Variants in RRM2 observed in about 807,000 individuals in gnomAD.
RRM2 encodes ribonucleotide reductase regulatory subunit M2, also known as ribonucleoside-diphosphate reductase subunit M2.
RRM2 carries 6 observed loss-of-function variants against 45.9 expected under a neutral mutation model. That is an observed-to-expected ratio of 0.13 (90% confidence interval 0.07 to 0.26). The LOEUF (loss-of-function observed/expected upper bound fraction) is 0.26. RRM2 is among the 10% of genes least tolerant of loss of function. The probability of loss-of-function intolerance (pLI) is 1.00; values close to 1 mark genes in which losing one functional copy is unlikely to be tolerated. For synonymous variants in RRM2, 177 were observed against 173.0 expected, an observed-to-expected ratio of 1.02 and a Z score of -0.18; for missense variants, 343 against 489.5, an observed-to-expected ratio of 0.70 and a Z score of 2.82.
chr2:10,151,515 G>GTCTTGAAC (rs1213473887), intron 3 of RRM2, among the ~76,000 whole-genome samples: 7 of 152,092 alleles, frequency 4.6e-5, no homozygotes, highest in Non-Finnish European at 5.9e-5. Flanking sequence ...GGCCAGGCTG[G>GTCTTGAAC]TCTTGAACTC....
intron 3 of RRM2, among the ~76,000 whole-genome samples, chr2:10,162,554 G>C (rs1367497820): frequency 6.6e-6 from 1 of 152,204 alleles, no homozygotes; most frequent in Non-Finnish European, 1.5e-5. Context: ...TGCACCCGCT[G>C]TTTAGTGGGA....
At chr2:10,184,983 C>G (rs1008074568) in intron 3 of RRM2, among the ~76,000 whole-genome samples, 2 of 152,176 alleles carry the variant, frequency 1.3e-5, no homozygotes, top group Non-Finnish European at 2.9e-5. Flanking sequence ...ATGCCCAGAG[C>G]AGCACTAACC....
At chr2:10,183,636 G>A (rs1233536121) in intron 3 of RRM2, among the ~76,000 whole-genome samples, 5 of 151,964 alleles carry the variant, frequency 3.3e-5, no homozygotes, top group Non-Finnish European at 5.9e-5. Flanking sequence ...GATCACTTGA[G>A]GTCAGGAGCT....
chr2:10,129,240 A>G lies in RRM2; in HGVS notation c.1024A>G (p.Arg342Gly), dbSNP rs142631876. The change falls in exon 10 of 10, where the codon AGA becomes GGA. Residue 342 changes from arginine (R) to glycine (G), a missense_variant. Coordinates refer to ENST00000304567, the MANE Select transcript of RRM2 (RefSeq NM_001034.4). This position sits in a 1 kb window ranked among gnomAD's most constrained non-coding sequence, Gnocchi z 4.8. ...MLELGFSKVF[R>G]VENPFDFMEN... ...TTGATGTGAACCTTTTCAGGTTTTC[A>G]GAGTAGAGAACCCATTTGACTTTAT... 1.5e-5 allele frequency: 25 copies of G among 1,613,616 alleles called. No homozygotes were observed. The African/African-American group carries it at 3.2e-4, about 21-fold the overall frequency.
intron 3 of RRM2, among the ~76,000 whole-genome samples, chr2:10,160,547 G>A (rs936931000): frequency 1.3e-5 from 2 of 152,244 alleles, no homozygotes; most frequent in African/African-American, 2.4e-5. Flanking sequence ...CCTCCCTAGA[G>A]GCTGCTTGGA....
intron 3 of RRM2, among the ~76,000 whole-genome samples, chr2:10,207,500 T>G (rs777598845): frequency 1.3e-5 from 2 of 151,812 alleles, no homozygotes; most frequent in Non-Finnish European, 2.9e-5. Flanking sequence ...GTTAGAGAGG[T>G]CTTCATGATT....
At chr2:10,175,846 T>G (rs1299517317) in intron 3 of RRM2, among the ~76,000 whole-genome samples, 1 of 152,142 alleles carries the variant, frequency 6.6e-6, no homozygotes, top group Non-Finnish European at 1.5e-5. Flanking sequence ...CCTCAAGTGA[T>G]CCACCTGCCT....
At chr2:10,153,495 G>C (rs10172702) in intron 3 of RRM2, among the ~76,000 whole-genome samples, 97,349 of 151,848 alleles carry the variant, frequency 0.64, 31,818 homozygotes, top group African/African-American at 0.72. Context: ...GCCGGTTTCT[G>C]GGAGGAGAGA....
At position 10,205,790 on chromosome 2, in the gene RRM2, C is replaced by T. The variant is rs1037020934; in HGVS notation, n.483-4521C>T. 2.0e-5 allele frequency among the ~76,000 whole-genome samples: 3 copies of T among 152,088 alleles called. No individual in the cohort carries two copies. Among genetic ancestry groups the T allele is most frequent in the African/African-American group, 7.2e-5 (3 of 41,432 alleles). On this transcript the variant is annotated intron_variant and non_coding_transcript_variant, in intron 3 of 3. Transcript: ENST00000381786. The surrounding 1 kb of genome is among the most constrained non-coding windows in gnomAD (Gnocchi z 4.8). ...CACTGCAACCTCTGCCTCCTGGTTT[C>T]AAGTGATTCTCCTGCCTCAGCCTCT...
intron 3 of RRM2, among the ~76,000 whole-genome samples, chr2:10,165,817 G>A (rs1663667086): frequency 6.6e-6 from 1 of 152,234 alleles, no homozygotes; most frequent in Non-Finnish European, 1.5e-5. Flanking sequence ...TGGAATAAGT[G>A]CAGGGGTCCA....
intron 3 of RRM2, among the ~76,000 whole-genome samples, chr2:10,191,158 G>T (rs976299779): frequency 7.2e-5 from 11 of 152,210 alleles, no homozygotes; most frequent in Non-Finnish European, 1.2e-4. Context: ...AGTGTGGCTT[G>T]TTTTCCATCT....
chr2:10,148,748 T>C (rs6432068), intron 3 of RRM2, among the ~76,000 whole-genome samples: 96,696 of 152,128 alleles, frequency 0.64, 31,287 homozygotes, highest in African/African-American at 0.7. Flanking sequence ...CCTTTCAGTT[T>C]GTAGATTTAT....
intron 1 of RRM2, 29 bp from the exon 2 acceptor site, chr2:10,122,954 G>A (rs370831080): frequency 1.3e-6 from 2 of 1,546,462 alleles, no homozygotes; most frequent in Non-Finnish European, 8.7e-7. Flanking sequence ...AAGCGAAGCC[G>A]CTCCTCACTC....
chr2:10,148,726 G>C (rs1402302938), intron 3 of RRM2, among the ~76,000 whole-genome samples: 1 of 152,076 alleles, frequency 6.6e-6, no homozygotes, highest in African/African-American at 2.4e-5. Flanking sequence ...TTTTCCCCAA[G>C]ACATGGTGTG....
At chr2:10,133,193 GA>G (rs1409749341), downstream of RRM2, among the ~76,000 whole-genome samples, 3 of 152,348 alleles carry the variant, frequency 2.0e-5, no homozygotes, top group South Asian at 4.1e-4. Flanking sequence ...CTCACTTGGG[GA>G]AAAGGCAGCC....
intron 3 of RRM2, among the ~76,000 whole-genome samples, chr2:10,168,223 G>T (rs995534677): frequency 6.6e-6 from 1 of 151,792 alleles, no homozygotes; most frequent in Non-Finnish European, 1.5e-5. Flanking sequence ...CTGCAGAATC[G>T]CATCACAGTG....
intron 3 of RRM2, among the ~76,000 whole-genome samples, chr2:10,164,462 T>G (rs910655890): frequency 1.3e-5 from 2 of 152,190 alleles, no homozygotes; most frequent in Non-Finnish European, 2.9e-5. Context: ...TGAGGGTCAC[T>G]GTAACGACCA....
rs1428428952 is a variant in RRM2 at position 10,185,447 on chromosome 2, G to A, written n.483-24864G>A. ...TTATAATGGGAAACTTTGAACATAG[G>A]CAAAAATAGAATAATAGAAAAGCCC... On this transcript the variant is annotated intron_variant and non_coding_transcript_variant, in intron 3 of 3. Coordinates refer to the RRM2 transcript ENST00000381786. This position sits in a 1 kb window ranked among gnomAD's most constrained non-coding sequence, Gnocchi z 4.3. Among the ~76,000 whole-genome samples the A allele has an allele frequency of 2.0e-5, 3 of 152,054 alleles. No individual in the cohort carries two copies. Among genetic ancestry groups the A allele is most frequent in the African/African-American group, 7.2e-5 (3 of 41,392 alleles).
chr2:10,157,363 C>G (rs550574282), intron 3 of RRM2, among the ~76,000 whole-genome samples: 132 of 152,286 alleles, frequency 8.7e-4, no homozygotes, highest in Non-Finnish European at 1.2e-3. Flanking sequence ...AATTATTACA[C>G]TACAGAAAAA....
Sources: allele counts gnomAD v4.1 joint callset (sites outside exome capture counted in the v4.1 genomes callset), GRCh38; gene constraint gnomAD v4.1.1; non-coding constraint Gnocchi (gnomAD v3.1); transcripts MANE v1.5; gene names NCBI Gene and HGNC (gene_info 2026-07-23, HGNC 2026-07-21).